Variants in PDGFD observed in about 807,000 individuals in gnomAD.
The protein encoded by PDGFD is platelet derived growth factor D.
In PDGFD, 30 loss-of-function variants were observed where a neutral mutation model predicts 44.7. The observed-to-expected ratio is 0.67, with a 90% confidence interval of 0.50 to 0.91. The LOEUF is 0.91. Ranked by LOEUF, PDGFD falls within the 40% of genes least tolerant of loss-of-function variation. The pLI, the probability that PDGFD is intolerant of heterozygous loss-of-function variation, is 0.00. For missense variants in PDGFD, 445 were observed against 457.8 expected, an observed-to-expected ratio of 0.97 and a Z score of 0.25; for synonymous variants, 173 against 168.4, an observed-to-expected ratio of 1.03 and a Z score of -0.21.
chr11:103,998,437 T>C (rs2134364881), intron 2 of PDGFD, among the ~76,000 whole-genome samples: 1 of 152,294 alleles, frequency 6.6e-6, no homozygotes. Context: ...GCCTTCACAA[T>C]GAGACTTCCA....
At chr11:104,158,232 TGAA>T (rs930965513) in intron 1 of PDGFD, among the ~76,000 whole-genome samples, 3 of 152,214 alleles carry the variant, frequency 2.0e-5, no homozygotes, top group Non-Finnish European at 2.9e-5. Flanking sequence ...CACACATATG[TGAA>T]GAAGAAGTGT....
chr11:103,934,680 G>A (rs1283008388), intron 5 of PDGFD, among the ~76,000 whole-genome samples: 1 of 152,152 alleles, frequency 6.6e-6, no homozygotes, highest in Non-Finnish European at 1.5e-5. Context: ...CAAGTGTAGG[G>A]GAACTGCCCT....
At chr11:104,146,505 A>G (rs1862164611) in intron 1 of PDGFD, among the ~76,000 whole-genome samples, 1 of 152,202 alleles carries the variant, frequency 6.6e-6, no homozygotes. Flanking sequence ...CTCATATGTC[A>G]AGATAGGGAT....
Position 103,996,203 on chromosome 11 carries a change from G to C in PDGFD, c.372C>G (p.Thr124=), listed in dbSNP as rs1178504252. The change falls in exon 3 of 7, where the codon ACC becomes ACG. Residue 124 remains threonine (T), a synonymous_variant. Coordinates refer to ENST00000393158, the MANE Select transcript of PDGFD (RefSeq NM_025208.5). ...GTCCACACCATCGTCCTCTAATAAT[G>C]GTACTGGTTTCGGATATATCTTCAA... is the stretch of plus-strand genomic sequence containing the variant. ...VEVEDISETS[T]IIRGRWCGHK... 1 of 1,612,552 alleles carries C rather than the reference G, an allele frequency of 6.2e-7. No homozygotes were observed. The highest frequency in any genetic ancestry group is 1.3e-5 in the African/African-American group (1 of 74,826).
chr11:104,126,665 G>A (rs1346878347), intron 1 of PDGFD, among the ~76,000 whole-genome samples: 1 of 152,086 alleles, frequency 6.6e-6, no homozygotes, highest in African/African-American at 2.4e-5. Context: ...TACATAATGT[G>A]ACAGGTGCTA....
intron 1 of PDGFD, among the ~76,000 whole-genome samples, chr11:104,080,375 G>C (rs761022882): frequency 2.0e-5 from 3 of 152,130 alleles, no homozygotes; most frequent in African/African-American, 4.8e-5. Flanking sequence ...ATTTCGACTA[G>C]AGACCAGAAA....
chr11:104,130,140 G>A (rs1479339707), intron 1 of PDGFD, among the ~76,000 whole-genome samples: 1 of 152,084 alleles, frequency 6.6e-6, no homozygotes, highest in Non-Finnish European at 1.5e-5. Flanking sequence ...CACAATAGGA[G>A]GCTGCAATCT....
At chr11:104,135,003 AGT>A (rs1861981732) in intron 1 of PDGFD, among the ~76,000 whole-genome samples, 2 of 152,192 alleles carry the variant, frequency 1.3e-5, no homozygotes, top group South Asian at 4.1e-4. Flanking sequence ...CCCTGAGGCC[AGT>A]GGGGAGGAGC....
chr11:104,121,063 C>A (rs1861772292), intron 1 of PDGFD, among the ~76,000 whole-genome samples: 1 of 151,912 alleles, frequency 6.6e-6, no homozygotes, highest in African/African-American at 2.4e-5. Context: ...CTATTTAATC[C>A]AACAAAAGCA....
intron 1 of PDGFD, among the ~76,000 whole-genome samples, chr11:104,124,460 A>G (rs1439449278): frequency 2.6e-5 from 4 of 152,122 alleles, no homozygotes; most frequent in Admixed American, 2.6e-4. Context: ...AAAGTACAAA[A>G]CGAACAGACA....
At chr11:104,077,151 A>G (rs1860971087) in intron 1 of PDGFD, among the ~76,000 whole-genome samples, 1 of 152,174 alleles carries the variant, frequency 6.6e-6, no homozygotes. Flanking sequence ...TGTCACCTGC[A>G]TTCTCTACAC....
At chr11:103,955,238 C>T (rs1858825055) in intron 3 of PDGFD, among the ~76,000 whole-genome samples, 1 of 138,860 alleles carries the variant, frequency 7.2e-6, no homozygotes, top group Non-Finnish European at 1.5e-5. Flanking sequence ...TGATCAACAT[C>T]CATTCTTTCA....
At chr11:104,003,374 G>A (rs572406902) in intron 1 of PDGFD, among the ~76,000 whole-genome samples, 2 of 152,336 alleles carry the variant, frequency 1.3e-5, no homozygotes, top group South Asian at 4.1e-4. Context: ...GCCCTGGTGT[G>A]GGTGAATAGT....
chr11:104,037,034 T>C (rs1860252419), intron 1 of PDGFD: 1 of 1,614,180 alleles, frequency 6.2e-7, no homozygotes, highest in African/African-American at 1.3e-5. Context: ...GATGGCGATA[T>C]CGTGGTTTTA....
chr11:104,038,117 A>T, intron 1 of PDGFD: 4 of 1,198,432 alleles, frequency 3.3e-6, no homozygotes, highest in Non-Finnish European at 4.6e-6. Flanking sequence ...ATCAGTAACA[A>T]CTAAACCTGG....
At chr11:104,021,320 T>G (rs1859947763) in intron 1 of PDGFD, among the ~76,000 whole-genome samples, 1 of 152,164 alleles carries the variant, frequency 6.6e-6, no homozygotes, top group African/African-American at 2.4e-5. Context: ...TATGATAGAT[T>G]GCATTATTGT....
intron 1 of PDGFD, among the ~76,000 whole-genome samples, chr11:104,079,731 C>T (rs545118523): frequency 1.3e-5 from 2 of 152,230 alleles, no homozygotes; most frequent in East Asian, 1.9e-4. Context: ...TACAAATGTT[C>T]TGTCTAGTTT....
intron 1 of PDGFD, among the ~76,000 whole-genome samples, chr11:104,108,856 G>A (rs1366261020): frequency 6.6e-6 from 1 of 152,102 alleles, no homozygotes; most frequent in Non-Finnish European, 1.5e-5. Flanking sequence ...ATACACCATG[G>A]AATACTATGC....
At chr11:104,113,385 A>T (rs2134454351) in intron 1 of PDGFD, among the ~76,000 whole-genome samples, 1 of 152,262 alleles carries the variant, frequency 6.6e-6, no homozygotes, top group East Asian at 1.9e-4. Flanking sequence ...ACAGAATAAC[A>T]GAGTGATGCA....
Sources: allele counts gnomAD v4.1 joint callset (sites outside exome capture counted in the v4.1 genomes callset), GRCh38; gene constraint gnomAD v4.1.1; transcripts MANE v1.5; gene names NCBI Gene and HGNC (gene_info 2026-07-23, HGNC 2026-07-21).